Variants in NEDD4 observed in about 807,000 individuals in gnomAD.
NEDD4 encodes the protein NEDD4 E3 ubiquitin protein ligase.
Under a neutral mutation model 144.9 loss-of-function variants are expected in NEDD4, and 99 were observed. That is an observed-to-expected ratio of 0.68 (90% confidence interval 0.58 to 0.81). NEDD4 has a LOEUF of 0.81. NEDD4 is among the 30% of genes least tolerant of loss of function. NEDD4 has a pLI of 0.00. For synonymous variants in NEDD4, 318 were observed against 350.6 expected (o/e 0.91, Z 1.04); for missense variants, 985 against 1,065.9 (o/e 0.92, Z 1.06).
rs2038026251 is a variant in NEDD4 at position 55,993,589 on chromosome 15, C to G, written c.-34G>C. ...GCTTCCAGCAAACCGGACGCGCTCG[C>G]CCCCGCCCAGGGCAGGCAACTGTGG... On this transcript the variant is annotated 5_prime_UTR_variant, in exon 1 of 29. Transcript: ENST00000435532. 4 of 1,587,678 alleles carry G rather than the reference C, an allele frequency of 2.5e-6. No individual in the cohort carries two copies. The highest frequency in any genetic ancestry group is 2.8e-5 in the African/African-American group (2 of 72,190).
At chr15:55,856,238 G>C (rs1279128516) in intron 11 of NEDD4, 42 bp from the exon 12 acceptor site, 45 of 1,571,904 alleles carry the variant, frequency 2.9e-5, no homozygotes, top group Non-Finnish European at 3.5e-5. Flanking sequence ...CTTGATATTT[G>C]TGATTTGCCT....
chr15:55,850,140 ATTT>A (rs2033925018), intron 14 of NEDD4, among the ~76,000 whole-genome samples: 1 of 152,148 alleles, frequency 6.6e-6, no homozygotes, highest in Non-Finnish European at 1.5e-5. Context: ...GCACTAAACA[ATTT>A]TAAGCCTTAT....
At chr15:55,875,879 T>C (rs1392189179) in intron 5 of NEDD4, among the ~76,000 whole-genome samples, 1 of 151,944 alleles carries the variant, frequency 6.6e-6, no homozygotes, top group Non-Finnish European at 1.5e-5. Context: ...TATTCACACA[T>C]TTAGAAAAAC....
At chr15:55,881,603 GTTAAC>G (rs1330756729) in intron 5 of NEDD4, among the ~76,000 whole-genome samples, 1 of 151,978 alleles carries the variant, frequency 6.6e-6, no homozygotes, top group Non-Finnish European at 1.5e-5. Flanking sequence ...GAATTATCTA[GTTAAC>G]TTAGGTTTAG....
intron 5 of NEDD4, among the ~76,000 whole-genome samples, chr15:55,885,194 C>A (rs1012866645): frequency 1.3e-5 from 2 of 152,150 alleles, no homozygotes. Flanking sequence ...AATAGTATAT[C>A]TGGCGAAAAT....
chr15:55,969,052 G>A (rs186227304), intron 1 of NEDD4, among the ~76,000 whole-genome samples: 1 of 152,294 alleles, frequency 6.6e-6, no homozygotes, highest in Admixed American at 6.5e-5. Context: ...AGACAGTCTT[G>A]AATTGCCCAC....
intron 8 of NEDD4, among the ~76,000 whole-genome samples, chr15:55,869,165 T>G (rs1020217378): frequency 6.6e-6 from 1 of 151,978 alleles, no homozygotes; most frequent in Non-Finnish European, 1.5e-5. Context: ...GCTCCCTAAT[T>G]CCCCTCCTTT....
intron 1 of NEDD4, among the ~76,000 whole-genome samples, chr15:55,990,186 AATC>A (rs1165415044): frequency 6.6e-6 from 1 of 151,992 alleles, no homozygotes; most frequent in Non-Finnish European, 1.5e-5. Flanking sequence ...ATCACAATGT[AATC>A]ATAATAGAAG....
At chr15:55,863,885 A>G (rs2034495914) in intron 8 of NEDD4, among the ~76,000 whole-genome samples, 1 of 152,236 alleles carries the variant, frequency 6.6e-6, no homozygotes, top group Non-Finnish European at 1.5e-5. Context: ...TTTAGAAATA[A>G]CTGCTACAGT....
intron 12 of NEDD4, among the ~76,000 whole-genome samples, chr15:55,853,177 G>A (rs1012219039): frequency 2.0e-5 from 3 of 151,990 alleles, no homozygotes; most frequent in Non-Finnish European, 4.4e-5. Flanking sequence ...ATAAAAATGG[G>A]TAAATTATAC....
chr15:55,886,557 A>G (rs1475747104), intron 5 of NEDD4, among the ~76,000 whole-genome samples: 2 of 152,176 alleles, frequency 1.3e-5, no homozygotes, highest in East Asian at 3.8e-4. Flanking sequence ...ACGAGGTCAG[A>G]GATCGAGACC....
chr15:55,861,815 T>C (rs1344848055), intron 9 of NEDD4, among the ~76,000 whole-genome samples: 2 of 152,184 alleles, frequency 1.3e-5, no homozygotes, highest in Admixed American at 1.3e-4. Flanking sequence ...AAAATTACTG[T>C]TTATTTAATG....
chr15:55,976,911 G>A (rs1265536529), intron 1 of NEDD4, among the ~76,000 whole-genome samples: 1 of 152,112 alleles, frequency 6.6e-6, no homozygotes, highest in Non-Finnish European at 1.5e-5. Context: ...GGGATTACAG[G>A]TGTGAGCCAC....
chr15:55,954,813 C>T (rs1038846041), intron 2 of NEDD4, among the ~76,000 whole-genome samples: 5 of 152,076 alleles, frequency 3.3e-5, no homozygotes, highest in Admixed American at 2.0e-4. Context: ...CGTGAGCCAC[C>T]GTGCCTAGCC....
chr15:55,871,148 G>A (rs182575129), intron 7 of NEDD4, among the ~76,000 whole-genome samples: 20 of 152,236 alleles, frequency 1.3e-4, no homozygotes, highest in East Asian at 1.9e-4. Context: ...TCCCAAGGCC[G>A]CTAATGTGGC....
chr15:55,924,821 A>C, intron 4 of NEDD4, 122 bp from the exon 5 acceptor site: 1 of 918,720 alleles, frequency 1.1e-6, no homozygotes, highest in Non-Finnish European at 1.7e-6. Context: ...TAATCCCAGC[A>C]CTTTGGGAGG....
At chr15:55,920,483 C>T (rs1330217667) in intron 5 of NEDD4, among the ~76,000 whole-genome samples, 2 of 152,040 alleles carry the variant, frequency 1.3e-5, no homozygotes, top group Non-Finnish European at 2.9e-5. Context: ...ATTATTGCCA[C>T]CACTACCACC....
chr15:55,969,377 C>T (rs1410949989), intron 1 of NEDD4, among the ~76,000 whole-genome samples: 1 of 152,110 alleles, frequency 6.6e-6, no homozygotes, highest in African/African-American at 2.4e-5. Flanking sequence ...GACTGCAGTC[C>T]CTGAGCAAGT....
intron 5 of NEDD4, chr15:55,916,882 C>A: frequency 6.5e-7 from 1 of 1,540,010 alleles, no homozygotes; most frequent in South Asian, 1.3e-5. Flanking sequence ...ACAAAGATCT[C>A]TGTCCGTAGA....
Sources: gnomAD v4.1 joint callset for allele counts (sites outside exome capture counted in the v4.1 genomes callset) on GRCh38, gnomAD v4.1.1 for gene constraint, MANE v1.5 for transcripts, NCBI Gene and HGNC (gene_info 2026-07-23, HGNC 2026-07-21) for gene names.